Variants in DMD observed in about 807,000 individuals in gnomAD.
The protein encoded by DMD is mutant dystrophin.
Under a neutral mutation model 330.1 loss-of-function variants are expected in DMD, and 63 were observed. The observed-to-expected ratio is 0.19, with a 90% CI of 0.16 to 0.24. The LOEUF is 0.24. Among genes scored for constraint, DMD ranks in the 10% least tolerant of loss-of-function variants. The pLI is 1.00. For synonymous variants in DMD, 1,223 were observed against 959.8 expected (o/e 1.27, Z -5.07); for missense variants, 3,344 against 2,684.1 (o/e 1.25, Z -5.43).
intron 44 of DMD, among the ~76,000 whole-genome samples, chrX:32,168,204 A>G (rs902030832): frequency 9.0e-6 from 1 of 111,614 alleles, no homozygotes; most frequent in African/African-American, 3.3e-5. Flanking sequence ...ATTTTAGCCC[A>G]TCGGCCCATT....
intron 44 of DMD, among the ~76,000 whole-genome samples, chrX:32,198,932 T>G: frequency 8.9e-6 from 1 of 112,831 alleles, no homozygotes; most frequent in East Asian, 2.8e-4. Flanking sequence ...AAAAAAAATC[T>G]AAGCCACCAA....
Position 32,411,919 on chromosome X carries a change from A to G in DMD, c.4072-6T>C. On this transcript the variant is annotated splice_polypyrimidine_tract_variant and splice_region_variant and intron_variant, in intron 29 of 78. Coordinates refer to ENST00000357033, the MANE Select transcript of DMD (RefSeq NM_004006.3). ...AACTTTTGCCTCCTTACAGCCTAAA[A>G]AGAAGGAATAAGAGTGTATCAGTTA... 1 of 1,209,028 alleles carries G rather than the reference A, an allele frequency of 8.3e-7. No individual in the cohort carries two copies. Among genetic ancestry groups the G allele is most frequent in the Non-Finnish European group, 1.1e-6 (1 of 893,746 alleles).
chrX:31,259,537 T>C (rs981003429), intron 63 of DMD, among the ~76,000 whole-genome samples: 7 of 112,142 alleles, frequency 6.2e-5, no homozygotes, highest in African/African-American at 2.3e-4. Flanking sequence ...ATCCCAATTT[T>C]ATTTAAAATT....
intron 62 of DMD, among the ~76,000 whole-genome samples, chrX:31,313,539 G>A (rs192933057): frequency 3.9e-4 from 44 of 111,920 alleles, no homozygotes; most frequent in Admixed American, 2.2e-3. Flanking sequence ...ATTTTTATTC[G>A]TATAAATTTC....
intron 63 of DMD, among the ~76,000 whole-genome samples, chrX:31,257,036 C>T (rs1295964873): frequency 9.2e-6 from 1 of 108,876 alleles, no homozygotes; most frequent in Non-Finnish European, 1.9e-5. Flanking sequence ...TTTTTCAGTT[C>T]TAACAAAATG....
intron 1 of DMD, among the ~76,000 whole-genome samples, chrX:33,319,048 C>T (rs1031087288): frequency 1.8e-5 from 2 of 108,618 alleles, no homozygotes; most frequent in African/African-American, 6.7e-5. Flanking sequence ...TAAAAGAGAC[C>T]CTAGAGAGCC....
intron 52 of DMD, among the ~76,000 whole-genome samples, chrX:31,706,301 T>C (rs1021808491): frequency 3.6e-5 from 4 of 110,038 alleles, no homozygotes; most frequent in African/African-American, 1.3e-4. Flanking sequence ...GTGGAAGATT[T>C]CCACTTAAAA....
rs187294107 is a variant in DMD at position 32,131,732 on chromosome X, C to T, written c.6438+85184G>A. ...CCTCTGTTCTACTGCTGCTGTTTTA[C>T]ACGACATTCTCCTCTAGGTATTACG... On this transcript the variant is annotated intron_variant, in intron 44 of 78. Coordinates refer to ENST00000357033, the MANE Select transcript of DMD (RefSeq NM_004006.3). 6.2e-5 allele frequency among the ~76,000 whole-genome samples: 7 copies of T among 112,321 alleles called. No individual in the cohort carries two copies. In the East Asian group the frequency reaches 1.9e-3, roughly 31 times the overall value.
intron 11 of DMD, among the ~76,000 whole-genome samples, chrX:32,632,166 G>A (rs904751629): frequency 3.6e-5 from 4 of 112,161 alleles, no homozygotes; most frequent in African/African-American, 1.3e-4. Context: ...TCTCATGCAA[G>A]TCTGAAACCC....
In DMD at chrX:32,045,556, G is replaced by A. The variant is rs2096058694; in HGVS notation, c.6439-77042C>T. On this transcript the variant is annotated intron_variant, in intron 44 of 78. Coordinates refer to ENST00000357033, the MANE Select transcript of DMD (RefSeq NM_004006.3). The stretch of plus-strand genomic sequence containing the variant: ...TTTAAAAATACATTACCCAGTCTCG[G>A]CTATTTCTTCATAGCAATACATGCT... 2.7e-5 allele frequency among the ~76,000 whole-genome samples: 3 copies of A among 110,043 alleles called. No individual in the cohort carries two copies. In the South Asian group the frequency reaches 1.2e-3, roughly 43 times the overall value.
chrX:33,201,105 T>C (rs961866595), intron 1 of DMD, among the ~76,000 whole-genome samples: 2 of 109,440 alleles, frequency 1.8e-5, no homozygotes, highest in African/African-American at 6.7e-5. Flanking sequence ...CTAATTTTTG[T>C]ATTTTAGTAG....
At chrX:32,096,778 G>C (rs1283643945) in intron 44 of DMD, among the ~76,000 whole-genome samples, 2 of 111,512 alleles carry the variant, frequency 1.8e-5, no homozygotes, top group African/African-American at 6.5e-5. Flanking sequence ...TATACGCATA[G>C]CATTAGCGAG....
intron 43 of DMD, among the ~76,000 whole-genome samples, chrX:32,232,609 C>A (rs2097172925): frequency 8.9e-6 from 1 of 111,895 alleles, no homozygotes; most frequent in South Asian, 3.7e-4. Context: ...AATATCATCA[C>A]AAAAGTCGGG....
intron 2 of DMD, among the ~76,000 whole-genome samples, chrX:32,871,540 C>G (rs184603349): frequency 9.0e-6 from 1 of 111,382 alleles, no homozygotes; most frequent in East Asian, 2.8e-4. Context: ...TCCCTGGAAT[C>G]TATTGATAAG....
At chrX:32,308,645 C>T (rs771227710) in intron 42 of DMD, among the ~76,000 whole-genome samples, 13 of 110,766 alleles carry the variant, frequency 1.2e-4, no homozygotes, top group East Asian at 8.5e-4. Context: ...AATACTATTA[C>T]GATTGACATC....
intron 62 of DMD, among the ~76,000 whole-genome samples, chrX:31,314,411 T>C (rs1257960592): frequency 1.8e-5 from 2 of 111,809 alleles, no homozygotes; most frequent in African/African-American, 6.5e-5. Flanking sequence ...GCACTGACCA[T>C]CTGACATGCA....
At chrX:33,076,241 T>C (rs2094839284) in intron 1 of DMD, among the ~76,000 whole-genome samples, 1 of 111,257 alleles carries the variant, frequency 9.0e-6, no homozygotes, top group Admixed American at 9.6e-5. Context: ...CACCAAATTG[T>C]CCTTAAAAAC....
intron 74 of DMD, among the ~76,000 whole-genome samples, chrX:31,150,027 C>T (rs1485199805): frequency 9.0e-6 from 1 of 111,690 alleles, no homozygotes; most frequent in African/African-American, 3.2e-5. Context: ...TGTATTTTTC[C>T]ATTGGAAAGA....
chrX:32,729,658 A>C (rs1207291616), intron 7 of DMD, among the ~76,000 whole-genome samples: 1 of 112,037 alleles, frequency 8.9e-6, no homozygotes, highest in Admixed American at 9.5e-5. Context: ...TGCCAAATTT[A>C]ATAGAGTATC....
Sources: allele counts gnomAD v4.1 joint callset (sites outside exome capture counted in the v4.1 genomes callset), GRCh38; gene constraint gnomAD v4.1.1; transcripts MANE v1.5; gene names NCBI Gene and HGNC (gene_info 2026-07-23, HGNC 2026-07-21).